The following NCAM1 variants were observed in gnomAD, a reference collection of about 807,000 sequenced individuals.
The protein encoded by NCAM1 is antigen recognized by monoclonal antibody 5.1H11.
In NCAM1, 14 loss-of-function variants were observed where a neutral mutation model predicts 109.8. The ratio of observed to expected loss-of-function variants is 0.13; its 90% CI spans 0.08 to 0.20. The LOEUF (loss-of-function observed/expected upper bound fraction) is 0.20. Among genes scored for constraint, NCAM1 ranks in the 10% least tolerant of loss-of-function variants. The pLI, the probability that NCAM1 is intolerant of heterozygous loss-of-function variation, is 1.00. For missense variants in NCAM1, 774 were observed against 1,109.9 expected (o/e 0.70, Z 4.30); for synonymous variants, 418 against 442.9 (o/e 0.94, Z 0.70).
intron 15 of NCAM1, among the ~76,000 whole-genome samples, chr11:113,249,500 A>G (rs1339367522): frequency 6.6e-6 from 1 of 152,168 alleles, no homozygotes; most frequent in Non-Finnish European, 1.5e-5. Context: ...GGTCACCAGT[A>G]TGGGGGCTGA....
chr11:112,990,436 C>G (rs1350941688), intron 1 of NCAM1, among the ~76,000 whole-genome samples: 2 of 152,148 alleles, frequency 1.3e-5, no homozygotes, highest in Non-Finnish European at 2.9e-5. Flanking sequence ...CATGACTTAC[C>G]TCTGACCACC....
intron 1 of NCAM1, among the ~76,000 whole-genome samples, chr11:113,183,296 C>A (rs1261978944): frequency 6.6e-6 from 1 of 152,212 alleles, no homozygotes; most frequent in African/African-American, 2.4e-5. Flanking sequence ...AATCCGGATG[C>A]CCTGCCACGT....
intron 1 of NCAM1, 127 bp from the exon 2 acceptor site, chr11:113,202,252 G>A (rs1404215147): frequency 1.0e-6 from 1 of 968,662 alleles, no homozygotes; most frequent in South Asian, 1.8e-5. Flanking sequence ...CTTAAAGTCA[G>A]TTGGGAAGCC....
At chr11:112,981,376 A>G (rs1951151599) in intron 1 of NCAM1, among the ~76,000 whole-genome samples, 1 of 151,976 alleles carries the variant, frequency 6.6e-6, no homozygotes, top group South Asian at 2.1e-4. Flanking sequence ...ATTTCTTGTC[A>G]TGTGAAACGT....
chr11:113,132,603 CATGTGTGTGTGTGT>C (rs1468995278), intron 1 of NCAM1, among the ~76,000 whole-genome samples: 8 of 108,662 alleles, frequency 7.4e-5, no homozygotes, highest in Non-Finnish European at 1.2e-4. Flanking sequence ...TATTAGGAAG[CATGTGTGTGTGTGT>C]GTGTGTGTGT....
intron 1 of NCAM1, among the ~76,000 whole-genome samples, chr11:112,974,350 T>C (rs147174373): frequency 1.3e-5 from 2 of 152,172 alleles, no homozygotes; most frequent in South Asian, 4.1e-4. Context: ...TTCATTTAAC[T>C]CCTCAAATTC....
chr11:113,195,603 C>T (rs562084982), intron 1 of NCAM1, among the ~76,000 whole-genome samples: 28 of 150,506 alleles, frequency 1.9e-4, no homozygotes, highest in Non-Finnish European at 3.4e-4. Flanking sequence ...CCTGGGTTCA[C>T]GCCATTCTCC....
At chr11:113,005,839 A>G (rs1951881285) in intron 1 of NCAM1, among the ~76,000 whole-genome samples, 1 of 152,236 alleles carries the variant, frequency 6.6e-6, no homozygotes. Context: ...ACATTAAAAC[A>G]TATCCTTTAA....
chr11:113,033,789 T>C (rs1952786905), intron 1 of NCAM1, among the ~76,000 whole-genome samples: 1 of 152,222 alleles, frequency 6.6e-6, no homozygotes, highest in African/African-American at 2.4e-5. Context: ...CAAGCACTTC[T>C]GGTGGATACT....
chr11:112,995,253 A>G (rs983791981), intron 1 of NCAM1, among the ~76,000 whole-genome samples: 2 of 152,216 alleles, frequency 1.3e-5, no homozygotes, highest in Non-Finnish European at 1.5e-5. Context: ...TTTATGGTGG[A>G]TTTGATACAC....
chr11:113,061,526 G>A (rs1937639640), intron 1 of NCAM1, among the ~76,000 whole-genome samples: 1 of 152,212 alleles, frequency 6.6e-6, no homozygotes, highest in Non-Finnish European at 1.5e-5. Context: ...CACTTGCAAT[G>A]GGAATGACAG....
chr11:113,261,389 G>A (rs1205969070), intron 17 of NCAM1, among the ~76,000 whole-genome samples: 1 of 152,188 alleles, frequency 6.6e-6, no homozygotes, highest in African/African-American at 2.4e-5. Flanking sequence ...ACATGGATGT[G>A]TGTGTCTGGG....
intron 7 of NCAM1, among the ~76,000 whole-genome samples, chr11:113,210,842 C>T (rs1033259309): frequency 2.7e-5 from 4 of 150,514 alleles, no homozygotes; most frequent in Admixed American, 6.6e-5. Context: ...ATTTCTTTCC[C>T]GAAACTGCAG....
At chr11:112,995,658 A>G (rs1591226972) in intron 1 of NCAM1, among the ~76,000 whole-genome samples, 1 of 152,172 alleles carries the variant, frequency 6.6e-6, no homozygotes, top group African/African-American at 2.4e-5. Flanking sequence ...TGATTTTATA[A>G]TGTGTAGTTG....
At chr11:113,135,042 T>A (rs564974264) in intron 1 of NCAM1, among the ~76,000 whole-genome samples, 1 of 152,272 alleles carries the variant, frequency 6.6e-6, no homozygotes, top group African/African-American at 2.4e-5. Flanking sequence ...GTTGAGGTTC[T>A]GATGGTGAAA....
At chr11:113,001,993 C>T (rs1951765751) in intron 1 of NCAM1, among the ~76,000 whole-genome samples, 1 of 152,060 alleles carries the variant, frequency 6.6e-6, no homozygotes, top group African/African-American at 2.4e-5. Context: ...ACTACTCAGC[C>T]CAGAAATAAG....
At position 112,962,086 on chromosome 11, in the gene NCAM1, C is replaced by T. The variant is rs1458618655; in HGVS notation, c.52+422C>T. On this transcript the variant is annotated intron_variant, in intron 1 of 19. Coordinates refer to ENST00000316851, the MANE Select transcript of NCAM1 (RefSeq NM_181351.5). This position sits in a 1 kb window ranked among gnomAD's most constrained non-coding sequence, Gnocchi z 5.6. ...GGATTCCGAGGGGGAAGTGGCTTGT[C>T]AGCCCCGGCTCCGGGAAGAGTGAAC... 6.6e-6 allele frequency among the ~76,000 whole-genome samples: 1 copy of T among 152,136 alleles called. No homozygotes were observed. The highest frequency in any genetic ancestry group is 1.5e-5 in the Non-Finnish European group (1 of 68,002).
chr11:113,014,817 A>G (rs1307417777), intron 1 of NCAM1, among the ~76,000 whole-genome samples: 4 of 152,226 alleles, frequency 2.6e-5, no homozygotes, highest in African/African-American at 9.6e-5. Flanking sequence ...AGCTCACGCA[A>G]ATCTGAGAGT....
chr11:112,964,006 C>T (rs182893305), intron 1 of NCAM1, among the ~76,000 whole-genome samples: 17 of 151,756 alleles, frequency 1.1e-4, no homozygotes, highest in African/African-American at 3.9e-4. Flanking sequence ...GAAATAATTT[C>T]CCATTAAAAT....
Sources: allele counts gnomAD v4.1 joint callset (sites outside exome capture counted in the v4.1 genomes callset), GRCh38; gene constraint gnomAD v4.1.1; non-coding constraint Gnocchi (gnomAD v3.1); transcripts MANE v1.5; gene names NCBI Gene and HGNC (gene_info 2026-07-23, HGNC 2026-07-21).